DPPA4: variants seen among roughly 807,000 people sequenced by gnomAD.
DPPA4 encodes the protein developmental pluripotency-associated protein 4.
A neutral mutation model predicts 33.7 loss-of-function variants in DPPA4; 22 were observed. That is an observed-to-expected ratio of 0.65 (90% confidence interval 0.47 to 0.93). The LOEUF is 0.93. DPPA4 is among the 40% of genes least tolerant of loss of function. The pLI, the probability that DPPA4 is intolerant of heterozygous loss-of-function variation, is 0.00. For synonymous variants in DPPA4, 156 were observed against 132.3 expected (o/e 1.18, Z -1.23); for missense variants, 340 against 358.6 (o/e 0.95, Z 0.42).
upstream of DPPA4, among the ~76,000 whole-genome samples, chr3:109,339,616 G>A (rs1708274289): frequency 6.6e-6 from 1 of 151,972 alleles, no homozygotes; most frequent in African/African-American, 2.4e-5. Context: ...AAAATTACCA[G>A]GCGTGGTGGC....
chr3:109,326,406 C>G lies in DPPA4; in HGVS notation c.*1582G>C, dbSNP rs977791375. 6.6e-6 allele frequency: 1 copy of G among 152,048 alleles called. No individual in the cohort carries two copies. Among genetic ancestry groups the G allele is most frequent in the African/African-American group, 2.4e-5 (1 of 41,394 alleles). The allele number at this position is 152,048 out of a possible 1,614,324, so 9.4% of individuals were successfully genotyped here. On this transcript the variant is annotated 3_prime_UTR_variant, in exon 7 of 7. Transcript: ENST00000335658. Reference sequence around the variant, plus strand: ...CACAATAATTCTGACCACCAACAACCAACGGCGGGGGCGGGCAGGAGAGAA... The same window carrying G: ...CACAATAATTCTGACCACCAACAACGAACGGCGGGGGCGGGCAGGAGAGAA...
rs1330910582 is a variant in DPPA4, at chr3:109,327,677, CA to C, written c.*310del. On this transcript the variant is annotated 3_prime_UTR_variant, in exon 7 of 7. Transcript: ENST00000335658. ...AGTGAGACACTGTCTCAAAATACAA[CA>C]AAAAAAAGCTGCTGCTGAAGTCATG... 2.3e-4 allele frequency: 58 copies of C among 248,432 alleles called. No individual in the cohort carries two copies. Among genetic ancestry groups the C allele is most frequent in the South Asian group, 5.9e-4 (8 of 13,586 alleles). 15.4% of individuals were successfully genotyped at this position (248,432 alleles called of 1,614,324 possible).
At chr3:109,337,607 A>T (rs963814463), upstream of DPPA4, 1 of 1,124,514 alleles carries the variant, frequency 8.9e-7, no homozygotes, top group East Asian at 2.4e-5. Context: ...TCTCCACCTC[A>T]CCTCTTCTTT....
chr3:109,333,737 C>G (rs1290897442), intron 2 of DPPA4, 133 bp downstream of exon 2: 2 of 1,077,088 alleles, frequency 1.9e-6, no homozygotes, highest in South Asian at 3.1e-5. Flanking sequence ...ACAGTTTAAG[C>G]TTGGCTTCCA....
At position 109,334,306 on chromosome 3, in the gene DPPA4, G is replaced by C. The variant is rs1010179542; in HGVS notation, c.55-313C>G. 3.3e-5 allele frequency among the ~76,000 whole-genome samples: 5 copies of C among 152,176 alleles called. No individual in the cohort carries two copies. In the South Asian group the frequency reaches 1.0e-3, roughly 32 times the overall value. Reference sequence around the variant, plus strand: ...TCACGCCTGTAGTCTGAGTGCTATAGGAGGCCTAGGCAAGAGGATTGCTTG... The same window carrying C: ...TCACGCCTGTAGTCTGAGTGCTATACGAGGCCTAGGCAAGAGGATTGCTTG... On this transcript the variant is annotated intron_variant, in intron 1 of 6. Transcript: ENST00000335658.
rs1407268485 is a variant in DPPA4, at chr3:109,331,868, C to T, written c.339+3G>A. On this transcript the variant is annotated splice_donor_region_variant and intron_variant, in intron 3 of 6. Coordinates refer to ENST00000335658, the MANE Select transcript of DPPA4 (RefSeq NM_018189.4). ...CAGCACCGTCCCCAGCCTGGGACCT[C>T]ACCTGGCCTTTGGAGCTCAGCTTCA... 6.2e-7 allele frequency: 1 copy of T among 1,613,604 alleles called. No individual in the cohort carries two copies. The highest frequency in any genetic ancestry group is 1.3e-5 in the African/African-American group (1 of 74,896).
chr3:109,338,617 A>G (rs1708256630), upstream of DPPA4, among the ~76,000 whole-genome samples: 1 of 152,142 alleles, frequency 6.6e-6, no homozygotes, highest in Admixed American at 6.5e-5. Flanking sequence ...GGTGTTAGTA[A>G]TCTGCTCACA....
chr3:109,336,499 CTAAGGACG>C, intron 1 of DPPA4: 1 of 152,308 alleles, frequency 6.6e-6, no homozygotes. Flanking sequence ...CTCCTAGGTC[CTAAGGACG>C]CTGGGAAAAG....
chr3:109,337,433 C>T (rs1338738601), intron 1 of DPPA4, 31 bp downstream of exon 1: 1 of 1,608,108 alleles, frequency 6.2e-7, no homozygotes, highest in East Asian at 2.2e-5. Context: ...CAAAGACAGA[C>T]AGAAAACAAA....
At chr3:109,332,757 G>T (rs531733519) in intron 2 of DPPA4, among the ~76,000 whole-genome samples, 2 of 152,254 alleles carry the variant, frequency 1.3e-5, no homozygotes, top group East Asian at 3.9e-4. Context: ...CTGTGTTTCT[G>T]TTCATCCCGC....
intron 1 of DPPA4, among the ~76,000 whole-genome samples, chr3:109,335,774 C>A (rs1708181900): frequency 6.6e-6 from 1 of 151,910 alleles, no homozygotes; most frequent in South Asian, 2.1e-4. Flanking sequence ...AGCAATCTGG[C>A]AACAATTACT....
chr3:109,334,057 CT>C, intron 1 of DPPA4, 64 bp from the exon 2 acceptor site: 5 of 1,576,912 alleles, frequency 3.2e-6, no homozygotes, highest in Non-Finnish European at 3.4e-6. Context: ...CACTACCTGC[CT>C]CAAGATAACT....
intron 1 of DPPA4, among the ~76,000 whole-genome samples, chr3:109,335,523 G>A (rs1056008602): frequency 2.0e-5 from 3 of 152,056 alleles, no homozygotes; most frequent in African/African-American, 7.2e-5. Flanking sequence ...CCATCTCCCC[G>A]GTTTAAGCAA....
intron 1 of DPPA4, among the ~76,000 whole-genome samples, chr3:109,337,223 T>A (rs1307658199): frequency 6.6e-6 from 1 of 151,650 alleles, no homozygotes; most frequent in Non-Finnish European, 1.5e-5. Context: ...TCCCCATCTT[T>A]TGACACACTC....
intron 6 of DPPA4, 123 bp from the exon 7 acceptor site, chr3:109,328,147 C>A: frequency 1.5e-6 from 1 of 657,334 alleles, no homozygotes; most frequent in South Asian, 1.8e-5. Context: ...AGGTAGCAAG[C>A]CTGTGATCCT....
chr3:109,337,660 A>C (rs544937483), upstream of DPPA4: 1 of 702,678 alleles, frequency 1.4e-6, no homozygotes, highest in Admixed American at 2.4e-5. Flanking sequence ...TGTAAATGCT[A>C]AAATTGCATT....
rs1708052393 is a variant in DPPA4 at position 109,330,740 on chromosome 3, C to T, written c.463G>A (p.Glu155Lys). ...GTCTCAGAACTTTGCAGGGACGTTT[C>T]CCCCTTTTCCACCTTTAATTTTTTT... The part of the protein sequence containing the change: ...LQKKLKVEKG[E>K]TSLQSSETHP... The change falls in exon 5 of 7, where the codon GAA becomes AAA. Residue 155 changes from glutamate (E) to lysine (K), a missense_variant. Glu to Lys is a moderately conservative substitution (Grantham distance 56). This residue lies in a region of DPPA4 where 212 missense variants were observed against 206.5 expected (regional missense o/e 1.03). Coordinates refer to ENST00000335658, the MANE Select transcript of DPPA4 (RefSeq NM_018189.4). The T allele has an allele frequency of 6.2e-7, 1 of 1,613,958 alleles. No homozygotes were observed. The highest frequency in any genetic ancestry group is 1.3e-5 in the African/African-American group (1 of 74,906).
intron 4 of DPPA4, 70 bp from the exon 5 acceptor site, chr3:109,330,882 T>G: frequency 1.8e-6 from 1 of 559,554 alleles, no homozygotes; most frequent in Non-Finnish European, 2.4e-6. Flanking sequence ...CCTAAGGAGC[T>G]CTTGATCAAA....
In DPPA4 at chr3:109,328,957, G is replaced by A. The variant is rs1312664887; in HGVS notation, c.811C>T (p.Leu271Phe). The change falls in exon 6 of 7, where the codon CTT (leucine) becomes TTT (phenylalanine). Residue 271 changes from leucine to phenylalanine, a missense_variant. Leu to Phe is a conservative substitution (Grantham distance 22, BLOSUM62 0). Transcript: ENST00000335658. ...QEGRVSALFLLPASNFPPPHL... is the reference protein window; with the variant it reads ...QEGRVSALFLFPASNFPPPHL... ...GGGGGTGGAAAATTGGAGGCAGGAAGCAAGAAGAGTGCACTCACTCTCCCT... is the reference window on the plus strand; with the variant it reads ...GGGGGTGGAAAATTGGAGGCAGGAAACAAGAAGAGTGCACTCACTCTCCCT... 1 of 1,614,080 alleles carries A rather than the reference G, an allele frequency of 6.2e-7. No individual in the cohort carries two copies. The highest frequency in any genetic ancestry group is 8.5e-7 in the Non-Finnish European group (1 of 1,180,008).
Sources: gnomAD v4.1 joint callset for allele counts (sites outside exome capture counted in the v4.1 genomes callset) on GRCh38, gnomAD v4.1.1 for gene constraint, gnomAD v4.1.1 regional missense constraint, MANE v1.5 for transcripts, NCBI Gene and HGNC (gene_info 2026-07-23, HGNC 2026-07-21) for gene names.